Variants in ULK4 observed in about 807,000 individuals in gnomAD.
The protein encoded by ULK4 is unc-51 like kinase 4.
In ULK4, 133 loss-of-function variants were observed where a neutral mutation model predicts 160.6. The ratio of observed to expected loss-of-function variants is 0.83; its 90% CI spans 0.72 to 0.96. The LOEUF (loss-of-function observed/expected upper bound fraction) is 0.96, where lower values mean the gene tolerates loss of function less well. Among genes scored for constraint, ULK4 ranks in the 40% least tolerant of loss-of-function variants. The probability of loss-of-function intolerance (pLI) is 0.00; values close to 1 mark genes in which losing one functional copy is unlikely to be tolerated. For synonymous variants in ULK4, 534 were observed against 539.8 expected (o/e 0.99, Z 0.15); for missense variants, 1,580 against 1,499.5 (o/e 1.05, Z -0.89).
chr3:41,713,449 C>T (rs1411466685), intron 25 of ULK4, among the ~76,000 whole-genome samples: 2 of 152,100 alleles, frequency 1.3e-5, no homozygotes, highest in African/African-American at 4.8e-5. Flanking sequence ...ACTGAGTATA[C>T]AAAAGGTGAA....
chr3:41,924,177 C>T (rs1460419553), intron 5 of ULK4, among the ~76,000 whole-genome samples: 1 of 152,306 alleles, frequency 6.6e-6, no homozygotes, highest in East Asian at 1.9e-4. Context: ...ACTGACCAAT[C>T]ATCAACCCCA....
At chr3:41,385,146 G>A (rs985805337) in intron 35 of ULK4, among the ~76,000 whole-genome samples, 2 of 152,174 alleles carry the variant, frequency 1.3e-5, no homozygotes, top group African/African-American at 4.8e-5. Flanking sequence ...GAGATCAAGT[G>A]TCATGATGTC....
intron 17 of ULK4, among the ~76,000 whole-genome samples, chr3:41,836,214 C>T (rs971409825): frequency 6.6e-6 from 1 of 151,428 alleles, no homozygotes; most frequent in Non-Finnish European, 1.5e-5. Flanking sequence ...TTTTTTTAAC[C>T]CAGGCTGGAG....
chr3:41,740,571 T>C (rs760009891), intron 22 of ULK4, among the ~76,000 whole-genome samples: 1 of 151,984 alleles, frequency 6.6e-6, no homozygotes, highest in Non-Finnish European at 1.5e-5. Context: ...TTTCACCACC[T>C]GTCTCATGCT....
rs79996031 is a variant in ULK4, at chr3:41,505,177, T to G, written c.3227-41924A>C. 7.0e-3 allele frequency among the ~76,000 whole-genome samples: 1,072 copies of G among 152,250 alleles called. 10 individuals are homozygous for G. Among genetic ancestry groups the G allele is most frequent in the Non-Finnish European group, 0.012 (801 of 68,006 alleles). ...ATAGTAGATACAGAAAAAGCGTACA[T>G]AAGTGTGCAGCTAGATGAATTTTCA... is the stretch of plus-strand genomic sequence containing the variant. On this transcript the variant is annotated intron_variant, in intron 32 of 36. Transcript: ENST00000301831.
At chr3:41,253,701 T>C (rs2078780296) in intron 35 of ULK4, among the ~76,000 whole-genome samples, 1 of 152,118 alleles carries the variant, frequency 6.6e-6, no homozygotes, top group South Asian at 2.1e-4. Flanking sequence ...ATGATCTAAA[T>C]GCAGCAAGTA....
At chr3:41,364,721 AAC>A (rs1400310995) in intron 35 of ULK4, among the ~76,000 whole-genome samples, 4 of 152,158 alleles carry the variant, frequency 2.6e-5, no homozygotes, top group African/African-American at 9.7e-5. Context: ...TACACAAACA[AAC>A]ACAAATTGGA....
At chr3:41,844,967 C>CTTTT (rs201354327) in intron 17 of ULK4, among the ~76,000 whole-genome samples, 6 of 143,532 alleles carry the variant, frequency 4.2e-5, no homozygotes, top group Admixed American at 7.0e-5. Context: ...ACCCAGATAT[C>CTTTT]TTTTTTTTTT....
intron 22 of ULK4, among the ~76,000 whole-genome samples, chr3:41,727,372 A>C (rs1434028472): frequency 6.6e-6 from 1 of 152,258 alleles, no homozygotes; most frequent in Admixed American, 6.5e-5. Context: ...AAGTCCAATG[A>C]AACAGACAGC....
chr3:41,780,803 C>T (rs886632013), intron 21 of ULK4, among the ~76,000 whole-genome samples: 1 of 152,164 alleles, frequency 6.6e-6, no homozygotes, highest in Non-Finnish European at 1.5e-5. Flanking sequence ...ATGCAATTTA[C>T]CAATCAGGGG....
Position 41,597,896 on chromosome 3 carries a change from G to A in ULK4, c.3120+17773C>T, listed in dbSNP as rs773055189. The stretch of plus-strand genomic sequence containing the variant: ...AACACGTGGAGAAAAGCAAAAAAAC[G>A]AAACCAAACTCCTAAGCATAGCAGG... On this transcript the variant is annotated intron_variant, in intron 31 of 36. Transcript: ENST00000301831. 3.3e-5 allele frequency among the ~76,000 whole-genome samples: 5 copies of A among 152,118 alleles called. No individual in the cohort carries two copies. In the East Asian group the frequency reaches 7.7e-4, roughly 23 times the overall value.
chr3:41,751,828 G>A (rs2038641029), intron 22 of ULK4, among the ~76,000 whole-genome samples: 1 of 152,170 alleles, frequency 6.6e-6, no homozygotes. Context: ...AGCATCTGAA[G>A]GAAGAGATCA....
chr3:41,286,825 C>T (rs1472279598), intron 35 of ULK4, among the ~76,000 whole-genome samples: 4 of 152,292 alleles, frequency 2.6e-5, no homozygotes, highest in African/African-American at 7.2e-5. Context: ...CTGTCAAAGT[C>T]GCTCTGTAAA....
At position 41,264,461 on chromosome 3, in the gene ULK4, G is replaced by A. The variant is rs538994083; in HGVS notation, c.3679-14887C>T. On this transcript the variant is annotated intron_variant, in intron 35 of 36. Transcript: ENST00000301831. Reference sequence around the variant, plus strand: ...TTGGTGGAGGTGTGAGCCAGCAGGTGGCTGTTGGGGTGGGCATGCCACATA... The same window carrying A: ...TTGGTGGAGGTGTGAGCCAGCAGGTAGCTGTTGGGGTGGGCATGCCACATA... Among the ~76,000 whole-genome samples the A allele has an allele frequency of 2.0e-5, 3 of 152,358 alleles. No homozygotes were observed. In the South Asian group the frequency reaches 6.2e-4, roughly 32 times the overall value.
chr3:41,539,180 T>C (rs1480794863), intron 32 of ULK4, among the ~76,000 whole-genome samples: 1 of 117,992 alleles, frequency 8.5e-6, no homozygotes, highest in African/African-American at 2.7e-5. Flanking sequence ...AACCATGTTG[T>C]TCAAGGGTCA....
At chr3:41,914,206 A>G (rs1698893627) in intron 8 of ULK4, among the ~76,000 whole-genome samples, 1 of 152,238 alleles carries the variant, frequency 6.6e-6, no homozygotes, top group Admixed American at 6.5e-5. Context: ...AACAAAAAAG[A>G]AAAGAATTTA....
intron 34 of ULK4, among the ~76,000 whole-genome samples, chr3:41,415,749 C>G (rs1418395499): frequency 2.0e-5 from 3 of 152,142 alleles, no homozygotes; most frequent in African/African-American, 4.8e-5. Context: ...CTTCACTATT[C>G]AGATCACTCG....
chr3:41,794,437 G>C (rs1298778169), intron 20 of ULK4, among the ~76,000 whole-genome samples: 1 of 151,966 alleles, frequency 6.6e-6, no homozygotes, highest in Non-Finnish European at 1.5e-5. Flanking sequence ...AGGCAGACGT[G>C]GGTGGATCAC....
At chr3:41,521,831 T>C (rs1316398444) in intron 32 of ULK4, among the ~76,000 whole-genome samples, 1 of 152,190 alleles carries the variant, frequency 6.6e-6, no homozygotes, top group Non-Finnish European at 1.5e-5. Context: ...CCAAAAGATC[T>C]CACCAAATAA....
Sources: gnomAD v4.1 joint callset for allele counts (sites outside exome capture counted in the v4.1 genomes callset) on GRCh38, gnomAD v4.1.1 for gene constraint, MANE v1.5 for transcripts, NCBI Gene and HGNC (gene_info 2026-07-23, HGNC 2026-07-21) for gene names.